Variants in SEL1L3 observed in about 807,000 individuals in gnomAD.
The protein encoded by SEL1L3 is protein sel-1 homolog 3.
Under a neutral mutation model 142.8 loss-of-function variants are expected in SEL1L3, and 76 were observed. The observed-to-expected ratio is 0.53, with a 90% CI of 0.44 to 0.64. The LOEUF is 0.64. Ranked by LOEUF, SEL1L3 falls within the 30% of genes least tolerant of loss-of-function variation. The pLI is 0.00. For missense variants in SEL1L3, 1,262 were observed against 1,381.7 expected (o/e 0.91, Z 1.37); for synonymous variants, 504 against 519.6 (o/e 0.97, Z 0.41).
At chr4:25,862,296 C>T (rs1383543477) in intron 1 of SEL1L3, 1 of 57,170 alleles carries the variant, frequency 1.7e-5, no homozygotes, top group Non-Finnish European at 3.2e-5. Flanking sequence ...GAGGGAAGCC[C>T]AGGAGGGGTG....
the SEL1L3 span, among the ~76,000 whole-genome samples, chr4:25,725,737 C>G: frequency 2.0e-5 from 3 of 152,190 alleles, no homozygotes; most frequent in Non-Finnish European, 4.4e-5. Flanking sequence ...CTTTTAGACT[C>G]TCTTAGGTCT....
At chr4:25,723,418 G>A in the SEL1L3 span, among the ~76,000 whole-genome samples, 1 of 152,170 alleles carries the variant, frequency 6.6e-6, no homozygotes, top group East Asian at 1.9e-4. Flanking sequence ...GTGCCCAAGT[G>A]AAATATAAAT....
the SEL1L3 span, among the ~76,000 whole-genome samples, chr4:25,721,537 G>A: frequency 1.3e-5 from 2 of 152,250 alleles, no homozygotes; most frequent in East Asian, 1.9e-4. Flanking sequence ...AGCATTGTAC[G>A]AATGCTGGGG....
chr4:25,863,315 T>A, upstream of SEL1L3: 1 of 319,894 alleles, frequency 3.1e-6, no homozygotes, highest in Non-Finnish European at 6.0e-6. Flanking sequence ...CGGCTCCCTC[T>A]TCCTTCTCCC....
At chr4:25,753,771 G>A (rs905204255) in intron 23 of SEL1L3, among the ~76,000 whole-genome samples, 1 of 152,200 alleles carries the variant, frequency 6.6e-6, no homozygotes, top group Non-Finnish European at 1.5e-5. Flanking sequence ...ATCCCTTGAG[G>A]TCAGGAGTTC....
rs752166161 is a variant in SEL1L3 at position 25,847,445 on chromosome 4, C to T, written c.582G>A (p.Leu194=). 45 of 1,613,844 alleles carry T rather than the reference C, an allele frequency of 2.8e-5. 1 individual carries two copies. Among genetic ancestry groups the T allele is most frequent in the Non-Finnish European group, 4.2e-6 (5 of 1,179,890 alleles). ...RDWNVKWEEN[L]LHAVAKNYTL... ...TATAATTCTTTGCTACAGCATGGAG[C>T]AAGTTTTCCTCCCATTTAACATTCC... Residue 194 remains leucine (L), a synonymous_variant, in exon 2 of 24, where the codon TTG becomes TTA. Coordinates refer to ENST00000399878, the MANE Select transcript of SEL1L3 (RefSeq NM_015187.5).
intron 9 of SEL1L3, among the ~76,000 whole-genome samples, chr4:25,814,890 A>C (rs1334884609): frequency 6.6e-6 from 1 of 151,916 alleles, no homozygotes; most frequent in Non-Finnish European, 1.5e-5. Flanking sequence ...TGATAGCCCC[A>C]AGCAAGGGCA....
chr4:25,738,341 C>A, the SEL1L3 span, among the ~76,000 whole-genome samples: 1 of 152,108 alleles, frequency 6.6e-6, no homozygotes, highest in African/African-American at 2.4e-5. Context: ...TCCCTTGGGG[C>A]TAATCTTGTT....
chr4:25,723,725 C>T, the SEL1L3 span, among the ~76,000 whole-genome samples: 6 of 152,144 alleles, frequency 3.9e-5, no homozygotes, highest in Non-Finnish European at 8.8e-5. Context: ...TCATCACCAC[C>T]ACCAGCTGCT....
intron 1 of SEL1L3, among the ~76,000 whole-genome samples, chr4:25,853,877 G>A (rs1381875284): frequency 1.3e-5 from 2 of 151,842 alleles, no homozygotes; most frequent in Non-Finnish European, 1.5e-5. Flanking sequence ...TTGCCATGTT[G>A]GCCAGGCTGG....
intron 11 of SEL1L3, among the ~76,000 whole-genome samples, chr4:25,795,264 G>A (rs1296792623): frequency 6.6e-6 from 1 of 152,170 alleles, no homozygotes; most frequent in Admixed American, 6.5e-5. Context: ...AAAGTGCCTG[G>A]GTCATGGCAC....
intron 16 of SEL1L3, among the ~76,000 whole-genome samples, chr4:25,778,171 C>A (rs550333494): frequency 7.5e-4 from 114 of 152,048 alleles, no homozygotes; most frequent in African/African-American, 2.7e-3. Flanking sequence ...AATTTAAGTG[C>A]AGACCAAGAA....
chr4:25,804,447 CTG>C (rs1485614297), intron 10 of SEL1L3, 92 bp downstream of exon 10: 289 of 895,476 alleles, frequency 3.2e-4, no homozygotes, highest in Non-Finnish European at 4.9e-4. Context: ...CTCCAAGGAG[CTG>C]CAACATGTCC....
chr4:25,798,230 G>A (rs1051404845), intron 11 of SEL1L3, among the ~76,000 whole-genome samples: 3 of 152,174 alleles, frequency 2.0e-5, no homozygotes, highest in Admixed American at 6.5e-5. Flanking sequence ...GTATTTTGTT[G>A]TTGTTGTTGT....
the SEL1L3 span, among the ~76,000 whole-genome samples, chr4:25,734,815 C>T: frequency 6.6e-6 from 1 of 152,044 alleles, no homozygotes; most frequent in East Asian, 1.9e-4. Flanking sequence ...GTGATCCGCC[C>T]GCCTCAGCCT....
At chr4:25,769,623 A>G (rs1281628540) in intron 17 of SEL1L3, among the ~76,000 whole-genome samples, 4 of 152,212 alleles carry the variant, frequency 2.6e-5, no homozygotes, top group Non-Finnish European at 5.9e-5. Context: ...AGTCCCCCTC[A>G]TTCTGACACA....
chr4:25,720,121 T>G, the SEL1L3 span: 2 of 152,200 alleles, frequency 1.3e-5, no homozygotes, highest in Non-Finnish European at 2.9e-5. Flanking sequence ...TAACCCTTTT[T>G]GGGCTCATTC....
At chr4:25,799,752 T>C (rs1180613888) in intron 11 of SEL1L3, among the ~76,000 whole-genome samples, 2 of 152,024 alleles carry the variant, frequency 1.3e-5, no homozygotes, top group Non-Finnish European at 2.9e-5. Flanking sequence ...GGAATGGAGA[T>C]GAGGAGGGAT....
chr4:25,802,586 T>G (rs1018444158), intron 10 of SEL1L3, 124 bp from the exon 11 acceptor site: 38 of 786,872 alleles, frequency 4.8e-5, no homozygotes, highest in Middle Eastern at 2.4e-4. Flanking sequence ...ATATGTTAAC[T>G]TGCCTTTTTT....
Sources: gnomAD v4.1 joint callset for allele counts (sites outside exome capture counted in the v4.1 genomes callset) on GRCh38, gnomAD v4.1.1 for gene constraint, MANE v1.5 for transcripts, NCBI Gene and HGNC (gene_info 2026-07-23, HGNC 2026-07-21) for gene names.